Variants in CDH13 observed in about 807,000 individuals in gnomAD.
CDH13 encodes cadherin 13, also known as cadherin-13.
A neutral mutation model predicts 63.8 loss-of-function variants in CDH13; 24 were observed. The ratio of observed to expected loss-of-function variants is 0.38; its 90% CI spans 0.27 to 0.53. The LOEUF (loss-of-function observed/expected upper bound fraction) is 0.53. Ranked by LOEUF, CDH13 falls within the 20% of genes least tolerant of loss-of-function variation. The pLI is 0.85. For synonymous variants in CDH13, 503 were observed against 355.3 expected (o/e 1.42, Z -4.67); for missense variants, 1,049 against 903.1 (o/e 1.16, Z -2.07).
At chr16:82,844,337 G>A (rs2039158461) in intron 1 of CDH13, 1 of 152,072 alleles carries the variant, frequency 6.6e-6, no homozygotes, top group Non-Finnish European at 1.5e-5. Context: ...TCAGACTTTA[G>A]AACTATAAGG....
chr16:83,449,884 A>C (rs2072835172), intron 6 of CDH13, among the ~76,000 whole-genome samples: 1 of 152,212 alleles, frequency 6.6e-6, no homozygotes. Context: ...TGTGCAGAGA[A>C]AGTGCCGAAT....
At chr16:83,437,624 C>T (rs1312083990) in intron 6 of CDH13, among the ~76,000 whole-genome samples, 1 of 151,984 alleles carries the variant, frequency 6.6e-6, no homozygotes, top group Non-Finnish European at 1.5e-5. Context: ...TTGCAGTGAG[C>T]CAAGATCATG....
chr16:83,679,971 C>A (rs1360066023), intron 10 of CDH13, among the ~76,000 whole-genome samples: 1 of 152,112 alleles, frequency 6.6e-6, no homozygotes, highest in African/African-American at 2.4e-5. Flanking sequence ...AGATGTCCTA[C>A]TAAGATGGGA....
intron 7 of CDH13, among the ~76,000 whole-genome samples, chr16:83,596,626 A>G (rs538095652): frequency 2.0e-5 from 3 of 152,302 alleles, no homozygotes; most frequent in African/African-American, 7.2e-5. Flanking sequence ...TATTTCAAGT[A>G]AGAGTGACTC....
chr16:83,514,696 G>A (rs1440906879), intron 7 of CDH13, among the ~76,000 whole-genome samples: 1 of 152,112 alleles, frequency 6.6e-6, no homozygotes, highest in East Asian at 1.9e-4. Context: ...AGAAGATCCA[G>A]GAGAGAAGGC....
intron 3 of CDH13, among the ~76,000 whole-genome samples, chr16:83,098,565 A>G (rs941858329): frequency 1.3e-5 from 2 of 152,144 alleles, no homozygotes; most frequent in African/African-American, 2.4e-5. Context: ...CGCCTTTTGT[A>G]TGTGCATCTG....
chr16:83,080,523 A>G (rs1327547753), intron 3 of CDH13, among the ~76,000 whole-genome samples: 2 of 152,038 alleles, frequency 1.3e-5, no homozygotes, highest in South Asian at 2.1e-4. Flanking sequence ...ATCTAATGCA[A>G]TCCTTGGGAC....
rs141959391 is a variant in CDH13, at chr16:82,758,502, G to C, written c.46-99860G>C. ...CTGAGCAGTCTTCTGACTCCCACTA[G>C]TTCAAGTTTCTGAGGGAGAAGCTGA... On this transcript the variant is annotated intron_variant, in intron 1 of 13. Transcript: ENST00000567109. 2.8e-3 allele frequency among the ~76,000 whole-genome samples: 428 copies of C among 151,630 alleles called. 2 individuals carry two copies. Among genetic ancestry groups the C allele is most frequent in the African/African-American group, 0.01 (413 of 41,234 alleles).
At chr16:83,569,480 C>T (rs190594022) in intron 7 of CDH13, among the ~76,000 whole-genome samples, 316 of 152,332 alleles carry the variant, frequency 2.1e-3, no homozygotes, top group African/African-American at 7.5e-3. Context: ...TCTCTGGAAA[C>T]TATGCTTGAA....
At chr16:83,551,620 C>T (rs1372367000) in intron 7 of CDH13, among the ~76,000 whole-genome samples, 2 of 152,184 alleles carry the variant, frequency 1.3e-5, no homozygotes, top group African/African-American at 4.8e-5. Context: ...GGCTGGACAT[C>T]CAAGCTTCTC....
At position 83,147,697 on chromosome 16, in the gene CDH13, C is replaced by A. The variant is rs189809387; in HGVS notation, c.483+22196C>A. On this transcript the variant is annotated intron_variant, in intron 4 of 13. Transcript: ENST00000567109. Reference sequence around the variant, plus strand: ...ACAACTCATTCCTTTGCCTTTCCACCCCACTTGCGTTCCACCCCTAGGTTG... The same window carrying A: ...ACAACTCATTCCTTTGCCTTTCCACACCACTTGCGTTCCACCCCTAGGTTG... 3.3e-5 allele frequency among the ~76,000 whole-genome samples: 5 copies of A among 152,208 alleles called. No homozygotes were observed. In the East Asian group the frequency reaches 7.7e-4, roughly 24 times the overall value.
chr16:83,508,119 A>AAGGAAAAGGAAGGGAGGG (rs1567722339), intron 7 of CDH13, among the ~76,000 whole-genome samples: 15 of 75,532 alleles, frequency 2.0e-4, no homozygotes, highest in African/African-American at 7.5e-4. Context: ...AAAAGGAAGG[A>AAGGAAAAGGAAGGGAGGG]AGGGAGGAAG....
intron 1 of CDH13, chr16:82,637,566 G>T (rs1429444491): frequency 6.6e-6 from 1 of 151,442 alleles, no homozygotes. Flanking sequence ...GAGTAGCTGG[G>T]GCTACAGGCG....
chr16:83,529,791 A>G (rs904493579), intron 7 of CDH13, among the ~76,000 whole-genome samples: 1 of 152,236 alleles, frequency 6.6e-6, no homozygotes, highest in Non-Finnish European at 1.5e-5. Context: ...TTTAAAAAAG[A>G]TGAAAATAAA....
intron 7 of CDH13, among the ~76,000 whole-genome samples, chr16:83,530,831 A>C (rs2075067783): frequency 6.6e-6 from 1 of 152,230 alleles, no homozygotes; most frequent in Admixed American, 6.5e-5. Context: ...ACCAGTAACT[A>C]GCCCCTTGGC....
At chr16:83,647,410 C>T (rs16961150) in intron 8 of CDH13, among the ~76,000 whole-genome samples, 3 of 151,894 alleles carry the variant, frequency 2.0e-5, no homozygotes, top group African/African-American at 7.3e-5. Flanking sequence ...GCTTACCTTT[C>T]TGTTTTGTTT....
chr16:83,066,614 A>C (rs1157569260), intron 3 of CDH13, among the ~76,000 whole-genome samples: 1 of 152,208 alleles, frequency 6.6e-6, no homozygotes, highest in African/African-American at 2.4e-5. Context: ...TATGGTCAGC[A>C]TTTTCTGTCT....
chr16:83,647,370 T>C (rs549442767), intron 8 of CDH13, among the ~76,000 whole-genome samples: 27 of 151,874 alleles, frequency 1.8e-4, no homozygotes, highest in African/African-American at 6.3e-4. Context: ...CTGTAGGAAG[T>C]ACCGTGTTGC....
At chr16:83,196,058 T>C (rs2038869716) in intron 4 of CDH13, among the ~76,000 whole-genome samples, 5 of 152,172 alleles carry the variant, frequency 3.3e-5, no homozygotes, top group Admixed American at 2.0e-4. Flanking sequence ...AAGTTCGCAA[T>C]CAGCCTGGCC....
Sources: gnomAD v4.1 joint callset for allele counts (sites outside exome capture counted in the v4.1 genomes callset) on GRCh38, gnomAD v4.1.1 for gene constraint, MANE v1.5 for transcripts, NCBI Gene and HGNC (gene_info 2026-07-23, HGNC 2026-07-21) for gene names.